NINJ2: variants seen among roughly 807,000 people sequenced by gnomAD.
NINJ2 encodes the protein ninjurin-2.
NINJ2 carries 12 observed loss-of-function variants against 11.7 expected under a neutral mutation model. That is an observed-to-expected ratio of 1.02 (90% CI 0.66 to 1.66). The LOEUF (loss-of-function observed/expected upper bound fraction) is 1.66. Ranked by LOEUF, NINJ2 falls within the 40% of genes most tolerant of loss-of-function variation. The probability of loss-of-function intolerance (pLI) is 0.00; values close to 1 mark genes in which losing one functional copy is unlikely to be tolerated. For missense variants in NINJ2, 187 were observed against 181.8 expected (o/e 1.03, Z -0.16); for synonymous variants, 93 against 76.8 (o/e 1.21, Z -1.10).
At chr12:625,837 G>A (rs914532014) in intron 1 of NINJ2, among the ~76,000 whole-genome samples, 14 of 152,146 alleles carry the variant, frequency 9.2e-5, no homozygotes, top group Non-Finnish European at 1.8e-4. Flanking sequence ...TTAATAAATG[G>A]TTGATAGGAT....
At chr12:598,185 G>A (rs1235142140) in intron 1 of NINJ2, among the ~76,000 whole-genome samples, 2 of 152,192 alleles carry the variant, frequency 1.3e-5, no homozygotes, top group Non-Finnish European at 2.9e-5. Context: ...GATATGTACA[G>A]ACAGCACTTT....
At chr12:641,124 A>G (rs1948411526) in intron 1 of NINJ2, 1 of 152,220 alleles carries the variant, frequency 6.6e-6, no homozygotes, top group African/African-American at 2.4e-5. Context: ...TCAAATAATG[A>G]AAACCAGCCA....
chr12:587,029 A>G (rs971351663), intron 1 of NINJ2, among the ~76,000 whole-genome samples: 1 of 152,228 alleles, frequency 6.6e-6, no homozygotes, highest in African/African-American at 2.4e-5. Context: ...GTTCATACCA[A>G]TATCTGGGAT....
At chr12:584,598 G>A (rs1475300475) in intron 1 of NINJ2, among the ~76,000 whole-genome samples, 2 of 151,880 alleles carry the variant, frequency 1.3e-5, no homozygotes, top group African/African-American at 4.8e-5. Context: ...CTGAGATGAG[G>A]AGTTTGAGAT....
intron 1 of NINJ2, among the ~76,000 whole-genome samples, chr12:595,809 C>A (rs1215190089): frequency 2.0e-5 from 3 of 152,104 alleles, no homozygotes; most frequent in African/African-American, 7.2e-5. Context: ...TATGTAAATT[C>A]TTAGACTTTT....
intron 1 of NINJ2, among the ~76,000 whole-genome samples, chr12:649,592 C>T (rs1937757903): frequency 7.2e-6 from 1 of 139,766 alleles, no homozygotes; most frequent in African/African-American, 2.6e-5. Context: ...ATAGGCACAC[C>T]TGCTTCTCTA....
chr12:577,448 T>TATACATATATATATGTGTATATATA, intron 1 of NINJ2, among the ~76,000 whole-genome samples: 4 of 141,928 alleles, frequency 2.8e-5, no homozygotes, highest in Admixed American at 7.2e-5. Context: ...TATATAAATA[T>TATACATATATATATGTGTATATATA]TTTGGCACGA....
Position 655,047 on chromosome 12 carries a change from C to T in NINJ2, c.33+8281G>A, listed in dbSNP as rs115502189. ...AACACCCATTCATGATAAAAACTCT[C>T]AGTACACTAGATAATTTCCTCAATT... is the stretch of plus-strand genomic sequence containing the variant. On this transcript the variant is annotated intron_variant, in intron 1 of 3. Coordinates refer to ENST00000305108, the MANE Select transcript of NINJ2 (RefSeq NM_016533.6). Among the ~76,000 whole-genome samples the T allele has an allele frequency of 1.1e-3, 163 of 152,228 alleles. 3 individuals are homozygous for T. The highest frequency in any genetic ancestry group is 3.7e-3 in the African/African-American group (152 of 41,530).
At chr12:638,543 A>C (rs1358130937) in intron 1 of NINJ2, among the ~76,000 whole-genome samples, 1 of 152,126 alleles carries the variant, frequency 6.6e-6, no homozygotes, top group Non-Finnish European at 1.5e-5. Context: ...AGCCTCCCAA[A>C]TGGCTGGGAC....
intron 1 of NINJ2, among the ~76,000 whole-genome samples, chr12:595,708 A>G (rs1424760743): frequency 6.6e-6 from 1 of 152,130 alleles, no homozygotes; most frequent in Non-Finnish European, 1.5e-5. Context: ...AGCCAAGATC[A>G]TGCCATTGCA....
intron 1 of NINJ2, among the ~76,000 whole-genome samples, chr12:612,366 C>A (rs1948043965): frequency 6.6e-6 from 1 of 152,144 alleles, no homozygotes; most frequent in Non-Finnish European, 1.5e-5. Flanking sequence ...ATTCCACACA[C>A]CTAGGAGGTA....
rs1239270773 is a variant in NINJ2 at position 565,282 on chromosome 12, G to A, written c.382C>T (p.His128Tyr). 1 of 1,614,166 alleles carries A rather than the reference G, an allele frequency of 6.2e-7. No individual in the cohort carries two copies. The change falls in exon 3 of 4, where the codon CAT (histidine) becomes TAT (tyrosine). Residue 128 changes from histidine (H) to tyrosine (Y), a missense_variant. His to Tyr is a moderately conservative substitution (Grantham distance 83). Coordinates refer to ENST00000305108, the MANE Select transcript of NINJ2 (RefSeq NM_016533.6). ...INVFITAFGA[H>Y]KTGFLAARAS... The stretch of plus-strand genomic sequence containing the variant: ...CTGGCAGCCAGGAACCCTGTTTTAT[G>A]TGCCCCGAAGGCTGTAATGAAAACA...
At chr12:571,295 G>A (rs1334265255) in intron 1 of NINJ2, among the ~76,000 whole-genome samples, 1 of 152,244 alleles carries the variant, frequency 6.6e-6, no homozygotes, top group Non-Finnish European at 1.5e-5. Context: ...TGATCTGGAC[G>A]CCCTTGGGCA....
At chr12:573,333 C>T (rs1399827014) in intron 1 of NINJ2, among the ~76,000 whole-genome samples, 7 of 152,118 alleles carry the variant, frequency 4.6e-5, no homozygotes, top group Non-Finnish European at 8.8e-5. Flanking sequence ...GGCCCAGAGC[C>T]TGTAATTTTC....
At chr12:592,235 G>A (rs1254435803) in intron 1 of NINJ2, among the ~76,000 whole-genome samples, 1 of 152,166 alleles carries the variant, frequency 6.6e-6, no homozygotes, top group African/African-American at 2.4e-5. Context: ...TGCGACAACA[G>A]TAGGGCACAC....
At chr12:593,530 C>T (rs185347504) in intron 1 of NINJ2, among the ~76,000 whole-genome samples, 29 of 152,282 alleles carry the variant, frequency 1.9e-4, no homozygotes, top group Admixed American at 1.7e-3. Flanking sequence ...CTAGCCTGGG[C>T]AACAGGGCAA....
intron 2 of NINJ2, chr12:565,729 G>C: frequency 1.6e-6 from 1 of 637,494 alleles, no homozygotes; most frequent in South Asian, 1.7e-5. Flanking sequence ...AGGTACTGCG[G>C]AGGGTCTGCT....
At chr12:569,891 G>C (rs902117619) in intron 1 of NINJ2, among the ~76,000 whole-genome samples, 1 of 152,228 alleles carries the variant, frequency 6.6e-6, no homozygotes, top group African/African-American at 2.4e-5. Flanking sequence ...TGCTGGGCGG[G>C]ATCAGGGTGT....
chr12:603,667 CT>C (rs112383920), intron 1 of NINJ2, among the ~76,000 whole-genome samples: 35 of 146,544 alleles, frequency 2.4e-4, no homozygotes, highest in Admixed American at 4.8e-4. Flanking sequence ...TATTCTTTTT[CT>C]TTTTTTTTTT....
Sources: gnomAD v4.1 joint callset for allele counts (sites outside exome capture counted in the v4.1 genomes callset) on GRCh38, gnomAD v4.1.1 for gene constraint, MANE v1.5 for transcripts, NCBI Gene and HGNC (gene_info 2026-07-23, HGNC 2026-07-21) for gene names.